Variants in NEBL observed in about 807,000 individuals in gnomAD.
NEBL encodes the protein nebulette.
Under a neutral mutation model 140.2 loss-of-function variants are expected in NEBL, and 122 were observed. The observed-to-expected ratio is 0.87, with a 90% CI of 0.75 to 1.01. NEBL has a LOEUF of 1.01. Ranked by LOEUF, NEBL falls within the 50% of genes least tolerant of loss-of-function variation. NEBL has a pLI of 0.00. For synonymous variants in NEBL, 436 were observed against 398.9 expected (o/e 1.09, Z -1.11); for missense variants, 1,365 against 1,231.3 (o/e 1.11, Z -1.62).
chr10:20,998,573 A>T (rs1426406480), intron 3 of NEBL, among the ~76,000 whole-genome samples: 4 of 152,146 alleles, frequency 2.6e-5, no homozygotes, highest in African/African-American at 9.7e-5. Context: ...AAGGCAGGGG[A>T]AATGGTAGAA....
chr10:20,992,765 C>CTTTTTTTTTTTT (rs35627113), intron 3 of NEBL, among the ~76,000 whole-genome samples: 2 of 52,452 alleles, frequency 3.8e-5, no homozygotes, highest in African/African-American at 1.7e-4. Flanking sequence ...ACTACAAAGT[C>CTTTTTTTTTTTT]TTTTTTTTTT....
At chr10:21,041,718 C>T (rs902192144) in intron 2 of NEBL, among the ~76,000 whole-genome samples, 1 of 152,120 alleles carries the variant, frequency 6.6e-6, no homozygotes, top group African/African-American at 2.4e-5. Flanking sequence ...GGCAGAGCAG[C>T]GGCATGGGCT....
chr10:20,817,717 A>T, intron 20 of NEBL, 25 bp from the exon 21 acceptor site: 1 of 1,536,526 alleles, frequency 6.5e-7, no homozygotes, highest in Non-Finnish European at 9.0e-7. Context: ...TAAGAACTTT[A>T]ACAGATAGCA....
chr10:21,242,148 G>A (rs890997875), intron 3 of NEBL, among the ~76,000 whole-genome samples: 2 of 152,122 alleles, frequency 1.3e-5, no homozygotes, highest in African/African-American at 4.8e-5. Flanking sequence ...GTTGGAGTGA[G>A]CCAAGATCAC....
In NEBL at chr10:20,888,209, T is replaced by TG. The variant is rs759941345; in HGVS notation, c.259-3dup. On this transcript the variant is annotated splice_polypyrimidine_tract_variant and splice_region_variant and intron_variant, in intron 3 of 27. Transcript: ENST00000377122. The stretch of plus-strand genomic sequence containing the variant: ...TTTAATGGTGCCTTTGTATTTTGCC[T>TG]GGGGGAAAAAAAAACAGGAAAAAAA... 7 of 1,540,016 alleles carry TG rather than the reference T, an allele frequency of 4.5e-6. No homozygotes were observed. In the African/African-American group the frequency reaches 8.6e-5, roughly 19 times the overall value.
chr10:20,937,977 G>A (rs1426008529), intron 4 of NEBL, among the ~76,000 whole-genome samples: 1 of 152,210 alleles, frequency 6.6e-6, no homozygotes, highest in Non-Finnish European at 1.5e-5. Flanking sequence ...TCAGCTCAAG[G>A]AGGCCTGCCT....
chr10:21,120,644 T>C (rs1459470960), intron 2 of NEBL, among the ~76,000 whole-genome samples: 1 of 137,484 alleles, frequency 7.3e-6, no homozygotes, highest in Non-Finnish European at 1.5e-5. Flanking sequence ...CTATATTTAT[T>C]GGGGATTGGC....
chr10:20,974,720 T>C (rs1169791307), intron 3 of NEBL, among the ~76,000 whole-genome samples: 2 of 152,180 alleles, frequency 1.3e-5, no homozygotes, highest in Non-Finnish European at 2.9e-5. Flanking sequence ...TAGGTGTCCA[T>C]CAAATGAGTA....
chr10:21,139,365 A>G (rs1839506613), intron 2 of NEBL, among the ~76,000 whole-genome samples: 1 of 152,160 alleles, frequency 6.6e-6, no homozygotes, highest in African/African-American at 2.4e-5. Context: ...AAAGAAATGC[A>G]GAATGTAATC....
chr10:21,170,230 C>T (rs1203004321), intron 2 of NEBL: 1 of 152,100 alleles, frequency 6.6e-6, no homozygotes, highest in African/African-American at 2.4e-5. Flanking sequence ...CTATTCTCTC[C>T]CCATTTTCTT....
At chr10:21,199,014 T>C (rs1198141904) in intron 3 of NEBL, among the ~76,000 whole-genome samples, 2 of 151,614 alleles carry the variant, frequency 1.3e-5, no homozygotes, top group Non-Finnish European at 2.9e-5. Context: ...ATTTTATTTA[T>C]TTATTTGCAC....
At chr10:21,149,582 C>T (rs1436165852) in intron 2 of NEBL, among the ~76,000 whole-genome samples, 5 of 152,302 alleles carry the variant, frequency 3.3e-5, no homozygotes, top group East Asian at 1.9e-4. Context: ...TGAGCCATCG[C>T]GCCCGACCTG....
chr10:21,034,629 A>G (rs920843660), intron 2 of NEBL, among the ~76,000 whole-genome samples: 1 of 152,236 alleles, frequency 6.6e-6, no homozygotes, highest in Non-Finnish European at 1.5e-5. Flanking sequence ...GGCCTCCACT[A>G]TGGAGTTAAA....
chr10:20,849,084 T>C (rs1168418459), intron 11 of NEBL, among the ~76,000 whole-genome samples: 2 of 152,142 alleles, frequency 1.3e-5, no homozygotes, highest in East Asian at 3.9e-4. Context: ...CAAGGTTGTA[T>C]TGGACTGAGA....
intron 2 of NEBL, among the ~76,000 whole-genome samples, chr10:21,136,750 C>T (rs1276233137): frequency 5.9e-5 from 9 of 152,202 alleles, no homozygotes; most frequent in African/African-American, 2.2e-4. Flanking sequence ...CTTTCTCCTT[C>T]CCAAACCAGC....
intron 4 of NEBL, among the ~76,000 whole-genome samples, chr10:20,942,956 TG>T: frequency 6.6e-6 from 1 of 152,230 alleles, no homozygotes; most frequent in South Asian, 2.1e-4. Flanking sequence ...CTGGAGAGGA[TG>T]TGGAGAAATA....
rs115313923 is a variant in NEBL at position 20,947,352 on chromosome 10, A to T, written c.357+14320T>A. Among the ~76,000 whole-genome samples the T allele has an allele frequency of 2.1e-3, 327 of 152,218 alleles. 3 individuals carry two copies. Among genetic ancestry groups the T allele is most frequent in the African/African-American group, 7.4e-3 (307 of 41,544 alleles). On this transcript the variant is annotated intron_variant, in intron 4 of 6. Transcript: ENST00000417816. ...CTTTGTCTGACATCCTCATATCCTCATTGGCTAGAACAGCAAAACATAGGC... is the reference window on the plus strand; with the variant it reads ...CTTTGTCTGACATCCTCATATCCTCTTTGGCTAGAACAGCAAAACATAGGC...
At chr10:20,864,241 C>T (rs950769341) in intron 7 of NEBL, among the ~76,000 whole-genome samples, 1 of 152,136 alleles carries the variant, frequency 6.6e-6, no homozygotes, top group African/African-American at 2.4e-5. Context: ...AAGTCAATGA[C>T]TTCAACAGTT....
intron 2 of NEBL, among the ~76,000 whole-genome samples, chr10:21,046,038 A>G (rs1214361545): frequency 6.6e-6 from 1 of 152,084 alleles, no homozygotes; most frequent in African/African-American, 2.4e-5. Flanking sequence ...TGTGCACTGG[A>G]ATACTACTTA....
Sources: gnomAD v4.1 joint callset for allele counts (sites outside exome capture counted in the v4.1 genomes callset) on GRCh38, gnomAD v4.1.1 for gene constraint, MANE v1.5 for transcripts, NCBI Gene and HGNC (gene_info 2026-07-23, HGNC 2026-07-21) for gene names.